The following LRFN5 variants were observed in gnomAD, a reference collection of about 807,000 sequenced individuals.
LRFN5 encodes leucine-rich repeat and fibronectin type-III domain-containing protein 5.
LRFN5 carries 24 observed loss-of-function variants against 45.6 expected under a neutral mutation model. The ratio of observed to expected loss-of-function variants is 0.53; its 90% CI spans 0.38 to 0.74. The LOEUF is 0.74. LRFN5 is among the 30% of genes least tolerant of loss of function. The pLI, the probability that LRFN5 is intolerant of heterozygous loss-of-function variation, is 0.00. For missense variants in LRFN5, 776 were observed against 861.5 expected (o/e 0.90, Z 1.24); for synonymous variants, 340 against 313.8 (o/e 1.08, Z -0.88).
In LRFN5 at chr14:41,891,511, G is replaced by C. The variant is rs1333055470; in HGVS notation, c.1647G>C (p.Met549Ile). ...ASVLVFIIILMIRYKVCNNNG... is the reference protein window; with the variant it reads ...ASVLVFIIILIIRYKVCNNNG... Reference sequence around the variant, plus strand: ...TGCTGGTATTCATCATTATTCTGATGATCCGGTATAAGGTTTGCAACAATA... The same window carrying C: ...TGCTGGTATTCATCATTATTCTGATCATCCGGTATAAGGTTTGCAACAATA... Residue 549 changes from methionine (M) to isoleucine (I), a missense_variant, in exon 4 of 6, where the codon ATG (methionine) becomes ATC (isoleucine). Met to Ile is a conservative substitution (Grantham distance 10, BLOSUM62 1). This residue lies in a region of LRFN5 where 465 missense variants were observed against 456.4 expected (regional missense o/e 1.02). Transcript: ENST00000298119. 6.2e-7 allele frequency: 1 copy of C among 1,614,138 alleles called. No individual in the cohort carries two copies.
rs970136331 is a variant in LRFN5, at chr14:41,607,130, G to T, written c.-1629G>T. Among the ~76,000 whole-genome samples, 1 of 152,168 alleles carries T rather than the reference G, an allele frequency of 6.6e-6. No individual in the cohort carries two copies. The highest frequency in any genetic ancestry group is 2.1e-4 in the South Asian group (1 of 4,836). The stretch of plus-strand genomic sequence containing the variant: ...CGTGTGCAGAGCTGCCCGAACGGAG[G>T]ACTATGTATGTGTGTGCGCGTGTTT... On this transcript the variant is annotated 5_prime_UTR_variant, in exon 1 of 6. Coordinates refer to ENST00000298119, the MANE Select transcript of LRFN5 (RefSeq NM_152447.5).
intron 2 of LRFN5, among the ~76,000 whole-genome samples, chr14:41,837,291 C>A (rs1481822985): frequency 6.6e-6 from 1 of 151,612 alleles, no homozygotes; most frequent in Non-Finnish European, 1.5e-5. Flanking sequence ...AACAACCACA[C>A]CTGCAATTAA....
chr14:41,613,345 A>G (rs1310937110), intron 1 of LRFN5, among the ~76,000 whole-genome samples: 2 of 152,046 alleles, frequency 1.3e-5, no homozygotes, highest in African/African-American at 2.4e-5. Context: ...TGTCTTCCAC[A>G]ATGGTTGAAC....
At chr14:41,770,276 C>T (rs1395715836) in intron 2 of LRFN5, among the ~76,000 whole-genome samples, 1 of 152,144 alleles carries the variant, frequency 6.6e-6, no homozygotes, top group African/African-American at 2.4e-5. Flanking sequence ...TCATCCAAAC[C>T]TTGTCATTCC....
At chr14:41,893,721 GTAGT>G in intron 4 of LRFN5, 9 of 985,312 alleles carry the variant, frequency 9.1e-6, no homozygotes, top group Non-Finnish European at 1.1e-5. Flanking sequence ...TAAGATTAAA[GTAGT>G]TAGAGATTAC....
chr14:41,691,036 A>C (rs1882358205), intron 1 of LRFN5, among the ~76,000 whole-genome samples: 1 of 151,950 alleles, frequency 6.6e-6, no homozygotes, highest in African/African-American at 2.4e-5. Context: ...TTAGGCATTT[A>C]ATCAATTTTA....
At chr14:41,871,102 A>T (rs867936734) in intron 2 of LRFN5, among the ~76,000 whole-genome samples, 22 of 152,270 alleles carry the variant, frequency 1.4e-4, no homozygotes, top group African/African-American at 5.3e-4. Flanking sequence ...CTAGAAAAAA[A>T]TGAGAAATGG....
At chr14:41,797,968 A>G (rs934471040) in intron 2 of LRFN5, among the ~76,000 whole-genome samples, 6 of 151,836 alleles carry the variant, frequency 4.0e-5, no homozygotes, top group Non-Finnish European at 5.9e-5. Context: ...AGTTTTTCAT[A>G]TCTTTATTAT....
intron 2 of LRFN5, among the ~76,000 whole-genome samples, chr14:41,775,259 T>G (rs1159183263): frequency 6.6e-6 from 1 of 151,722 alleles, no homozygotes; most frequent in East Asian, 1.9e-4. Flanking sequence ...CCCGGCTAAT[T>G]TTTTGTGTTT....
intron 2 of LRFN5, among the ~76,000 whole-genome samples, chr14:41,861,561 A>T (rs895601846): frequency 6.6e-6 from 1 of 152,124 alleles, no homozygotes; most frequent in African/African-American, 2.4e-5. Context: ...CATGTTTTCC[A>T]TCTTTACTGA....
intron 2 of LRFN5, among the ~76,000 whole-genome samples, chr14:41,792,148 C>T (rs887393996): frequency 2.0e-5 from 3 of 151,974 alleles, no homozygotes; most frequent in African/African-American, 7.2e-5. Flanking sequence ...GCCTGAGTCT[C>T]AGACCAGCAA....
chr14:41,900,674 G>A (rs911974329), intron 5 of LRFN5, among the ~76,000 whole-genome samples: 1 of 151,978 alleles, frequency 6.6e-6, no homozygotes, highest in Non-Finnish European at 1.5e-5. Flanking sequence ...TCACTTATTA[G>A]CCAGCTCCTT....
intron 2 of LRFN5, among the ~76,000 whole-genome samples, chr14:41,781,288 G>T (rs1886472318): frequency 6.6e-6 from 1 of 152,024 alleles, no homozygotes; most frequent in African/African-American, 2.4e-5. Flanking sequence ...TTGGGAGGCT[G>T]AAGCAGTAGG....
intron 2 of LRFN5, among the ~76,000 whole-genome samples, chr14:41,872,325 G>A (rs964481048): frequency 2.0e-5 from 3 of 152,076 alleles, no homozygotes; most frequent in Non-Finnish European, 2.9e-5. Flanking sequence ...CACACAAAAA[G>A]TATCTAAAGT....
intron 1 of LRFN5, among the ~76,000 whole-genome samples, chr14:41,621,429 A>G (rs936725058): frequency 3.9e-5 from 6 of 152,240 alleles, no homozygotes; most frequent in African/African-American, 1.4e-4. Context: ...GGTGCTATCA[A>G]TAGTAATTTG....
intron 1 of LRFN5, among the ~76,000 whole-genome samples, chr14:41,638,863 A>G (rs1879431185): frequency 6.6e-6 from 1 of 152,108 alleles, no homozygotes; most frequent in African/African-American, 2.4e-5. Flanking sequence ...ATATTCTTCT[A>G]GAAATACAGC....
intron 1 of LRFN5, among the ~76,000 whole-genome samples, chr14:41,759,476 CACACACACACACACACACACACAG>C (rs879356874): frequency 1.0e-3 from 103 of 100,202 alleles, no homozygotes; most frequent in East Asian, 4.7e-3. Context: ...CACACACACA[CACACACACACACACACACACACAG>C]AGAGAGCACC....
chr14:41,759,451 A>T (rs369395438), intron 1 of LRFN5, among the ~76,000 whole-genome samples: 14 of 10,848 alleles, frequency 1.3e-3, no homozygotes, highest in Admixed American at 2.2e-3. Context: ...CTCTCTCTAC[A>T]CACACACACA....
rs1887516605 is a variant in LRFN5 at position 41,607,119 on chromosome 14, C to T, written c.-1640C>T. 6.6e-6 allele frequency among the ~76,000 whole-genome samples: 1 copy of T among 152,228 alleles called. No individual in the cohort carries two copies. Among genetic ancestry groups the T allele is most frequent in the Admixed American group, 6.5e-5 (1 of 15,292 alleles). On this transcript the variant is annotated 5_prime_UTR_variant, in exon 1 of 6. Transcript: ENST00000298119. ...GAGGCGGTGAGCGTGTGCAGAGCTG[C>T]CCGAACGGAGGACTATGTATGTGTG...
Sources: gnomAD v4.1 joint callset for allele counts (sites outside exome capture counted in the v4.1 genomes callset) on GRCh38, gnomAD v4.1.1 for gene constraint, gnomAD v4.1.1 regional missense constraint, MANE v1.5 for transcripts, NCBI Gene and HGNC (gene_info 2026-07-23, HGNC 2026-07-21) for gene names.